The following GLP1R variants were observed in gnomAD, a reference collection of about 807,000 sequenced individuals.
GLP1R encodes glucagon like peptide 1 receptor.
A neutral mutation model predicts 68.4 loss-of-function variants in GLP1R; 32 were observed. The observed-to-expected ratio is 0.47, with a 90% CI of 0.35 to 0.63. GLP1R has a LOEUF of 0.63. Ranked by LOEUF, GLP1R falls within the 20% of genes least tolerant of loss-of-function variation. GLP1R has a pLI of 0.00. For missense variants in GLP1R, 502 were observed against 594.9 expected (o/e 0.84, Z 1.62); for synonymous variants, 263 against 244.4 (o/e 1.08, Z -0.71).
intron 7 of GLP1R, among the ~76,000 whole-genome samples, chr6:39,076,330 G>A (rs191363147): frequency 1.1e-3 from 161 of 152,262 alleles, no homozygotes; most frequent in African/African-American, 3.4e-3. Flanking sequence ...CATGTGCTGG[G>A]GCCTTTGGAG....
At chr6:39,066,389 G>A in intron 5 of GLP1R, 86 bp downstream of exon 5, 1 of 717,442 alleles carries the variant, frequency 1.4e-6, no homozygotes, top group East Asian at 2.5e-5. Flanking sequence ...CCAAATCAAA[G>A]CAACAGTGCA....
chr6:39,077,664 G>A (rs1768866568), intron 7 of GLP1R, among the ~76,000 whole-genome samples: 1 of 152,222 alleles, frequency 6.6e-6, no homozygotes, highest in Admixed American at 6.5e-5. Context: ...CACAGGAGGT[G>A]GGGATCCCTA....
chr6:39,048,895 G>C lies in GLP1R; in HGVS notation c.55G>C (p.Gly19Arg), dbSNP rs1768023220. The change falls in exon 1 of 13, where the codon GGC becomes CGC. Residue 19 changes from glycine (G) to arginine (R), a missense_variant. By Grantham distance (125) the Gly-to-Arg change is moderately radical (BLOSUM62 -2). Coordinates refer to ENST00000373256, the MANE Select transcript of GLP1R (RefSeq NM_002062.5). ...TGCGCTGCTGCTGCTCGGGATGGTG[G>C]GCAGGGCCGGCCCCCGCCCCCAGGT... ...RLALLLLGMV[G>R]RAGPRPQGAT... 1.4e-6 allele frequency: 2 copies of C among 1,452,610 alleles called. No homozygotes were observed. Among genetic ancestry groups the C allele is most frequent in the South Asian group, 1.4e-5 (1 of 71,932 alleles). The allele number at this position is 1,452,610 out of a possible 1,614,324, so 90.0% of individuals were successfully genotyped here. A position where few individuals can be genotyped will look rare whatever the true frequency, so the allele number is the denominator to read the frequency against.
At chr6:39,075,863 G>A (rs1000398216) in intron 7 of GLP1R, among the ~76,000 whole-genome samples, 1 of 152,242 alleles carries the variant, frequency 6.6e-6, no homozygotes, top group Non-Finnish European at 1.5e-5. Context: ...CCCACATGGA[G>A]GCTGTGCAAG....
chr6:39,080,908 C>A (rs1459801456), intron 12 of GLP1R, among the ~76,000 whole-genome samples, 169 bp downstream of exon 12: 3 of 152,130 alleles, frequency 2.0e-5, no homozygotes, highest in African/African-American at 7.2e-5. Context: ...GTTTTCTGTG[C>A]ATGGTCTCTC....
Position 39,079,299 on chromosome 6 carries a change from C to T in GLP1R, c.1043+99C>T. 1 of 933,362 alleles carries T rather than the reference C, an allele frequency of 1.1e-6. No homozygotes were observed. The highest frequency in any genetic ancestry group is 1.6e-5 in the African/African-American group (1 of 62,206). 57.8% of individuals were successfully genotyped at this position (933,362 alleles called of 1,614,324 possible). On this transcript the variant is annotated intron_variant, in intron 10 of 12. Transcript: ENST00000373256. This position sits in a 1 kb window ranked among gnomAD's most constrained non-coding sequence, Gnocchi z 4.5. Reference sequence around the variant, plus strand: ...AGATCCTGGGATGCTTAGCTTAGAGCCCTACACTACCCTCTCCTTCCACCC... The same window carrying T: ...AGATCCTGGGATGCTTAGCTTAGAGTCCTACACTACCCTCTCCTTCCACCC...
Position 39,055,639 on chromosome 6 carries a change from T to C in GLP1R, c.79-758T>C, listed in dbSNP as rs150584203. On this transcript the variant is annotated intron_variant, in intron 1 of 12. Transcript: ENST00000373256. ...GAACCTCCCTGACCCCTTCACCTCA[T>C]GTCCTCAGGACTCTTCCTTTGGGTG... Among the ~76,000 whole-genome samples, 406 of 151,282 alleles carry C rather than the reference T, an allele frequency of 2.7e-3. 1 individual carries two copies. The Middle Eastern group carries it at 0.041, about 15-fold the overall frequency.
Position 39,090,314 on chromosome 6 carries a change from T to C in GLP1R, c.*4241T>C, listed in dbSNP as rs1769250496. ...AATTGTTTTCCAATAACTCCCCAAG[T>C]CTCTTGGAATATATATGTATCTGAA... On this transcript the variant is annotated 3_prime_UTR_variant, in exon 13 of 13. Coordinates refer to ENST00000373256, the MANE Select transcript of GLP1R (RefSeq NM_002062.5). Among the ~76,000 whole-genome samples the C allele has an allele frequency of 1.3e-5, 2 of 152,160 alleles. No individual in the cohort carries two copies. The highest frequency in any genetic ancestry group is 2.1e-4 in the South Asian group (1 of 4,826).
intron 5 of GLP1R, among the ~76,000 whole-genome samples, chr6:39,071,156 C>T (rs1768652158): frequency 6.6e-6 from 1 of 151,880 alleles, no homozygotes; most frequent in South Asian, 2.1e-4. Flanking sequence ...ACCATCCTGG[C>T]TAACACAGTG....
chr6:39,086,102 C>G lies in GLP1R; in HGVS notation c.*29C>G. 1.9e-6 allele frequency: 3 copies of G among 1,606,314 alleles called. No individual in the cohort carries two copies. Among genetic ancestry groups the G allele is most frequent in the Non-Finnish European group, 2.6e-6 (3 of 1,175,468 alleles). On this transcript the variant is annotated 3_prime_UTR_variant, in exon 13 of 13. Transcript: ENST00000373256. The surrounding 1 kb of genome is among the most constrained non-coding windows in gnomAD (Gnocchi z 4.5). ...TCCAGCGCCTGCCCTCCCTGGGGTCCTTGCTGCAGGCCGGGTGGCCAATCC... is the reference window on the plus strand; with the variant it reads ...TCCAGCGCCTGCCCTCCCTGGGGTCGTTGCTGCAGGCCGGGTGGCCAATCC...
chr6:39,059,761 C>T (rs971695230), intron 3 of GLP1R, among the ~76,000 whole-genome samples: 9 of 152,174 alleles, frequency 5.9e-5, no homozygotes, highest in African/African-American at 2.2e-4. Context: ...TGGCCAGCGT[C>T]TGCTGGGCCT....
intron 1 of GLP1R, among the ~76,000 whole-genome samples, chr6:39,051,529 G>C (rs965776325): frequency 2.4e-4 from 37 of 152,164 alleles, no homozygotes; most frequent in Admixed American, 2.1e-3. Flanking sequence ...CAGGCTGGGG[G>C]CTGGGGCAGG....
chr6:39,077,261 C>G (rs999614344), intron 7 of GLP1R, among the ~76,000 whole-genome samples: 1 of 152,242 alleles, frequency 6.6e-6, no homozygotes, highest in Admixed American at 6.5e-5. Flanking sequence ...GCTGTCCCTT[C>G]TCTCTGAGAC....
intron 7 of GLP1R, among the ~76,000 whole-genome samples, chr6:39,075,428 G>A (rs1263012887): frequency 6.6e-6 from 1 of 152,182 alleles, no homozygotes; most frequent in Non-Finnish European, 1.5e-5. Context: ...ACAATCAAGG[G>A]ACGTGTGTGA....
rs985149155 is a variant in GLP1R, at chr6:39,085,918, T to A, written c.1237T>A (p.Phe413Ile). The A allele has an allele frequency of 1.2e-6, 2 of 1,613,882 alleles. No individual in the cohort carries two copies. Among genetic ancestry groups the A allele is most frequent in the Non-Finnish European group, 1.7e-6 (2 of 1,179,838 alleles). Residue 413 changes from phenylalanine to isoleucine, a missense_variant, in exon 13 of 13, where the codon TTT becomes ATT. Coordinates refer to ENST00000373256, the MANE Select transcript of GLP1R (RefSeq NM_002062.5). ...CFVNNEVQLE[F>I]RKSWERWRLE... ...TTTCCCATGGAAGGTCCAGCTGGAA[T>A]TTCGGAAGAGCTGGGAGCGCTGGCG...
chr6:39,070,080 T>G (rs1768618593), intron 5 of GLP1R, among the ~76,000 whole-genome samples: 1 of 152,170 alleles, frequency 6.6e-6, no homozygotes, highest in Non-Finnish European at 1.5e-5. Context: ...ACAAACTCAC[T>G]TAGGCCTCTT....
intron 7 of GLP1R, among the ~76,000 whole-genome samples, chr6:39,074,920 G>A (rs771870045): frequency 6.6e-6 from 1 of 152,152 alleles, no homozygotes; most frequent in Non-Finnish European, 1.5e-5. Context: ...GTGTTCCTCA[G>A]CCATTTTTCT....
chr6:39,085,865 TTTGCATGATGGC>T, intron 12 of GLP1R, 29 bp from the exon 13 acceptor site: 2 of 1,601,240 alleles, frequency 1.2e-6, no homozygotes, highest in South Asian at 2.2e-5. Flanking sequence ...TAGCCATTGG[TTTGCATGATGGC>T]TTTCGTTTCC....
chr6:39,051,479 CG>C (rs1768086947), intron 1 of GLP1R, among the ~76,000 whole-genome samples: 1 of 152,112 alleles, frequency 6.6e-6, no homozygotes, highest in South Asian at 2.1e-4. Flanking sequence ...TTGATCAGTG[CG>C]GACATTGTTC....
Sources: allele counts gnomAD v4.1 joint callset (sites outside exome capture counted in the v4.1 genomes callset), GRCh38; gene constraint gnomAD v4.1.1; non-coding constraint Gnocchi (gnomAD v3.1); transcripts MANE v1.5; gene names NCBI Gene and HGNC (gene_info 2026-07-23, HGNC 2026-07-21).